The following DEFB119 variants were observed in gnomAD, a reference collection of about 807,000 sequenced individuals.
DEFB119 encodes beta-defensin 119.
Under a neutral mutation model 2.5 loss-of-function variants are expected in DEFB119, and 3 were observed. The ratio of observed to expected loss-of-function variants is 1.19; its 90% CI spans 0.54 to 3.07. DEFB119 has a LOEUF of 3.07. DEFB119 is among the 30% of genes most tolerant of loss of function. DEFB119 has a pLI of 0.03. For synonymous variants in DEFB119, 29 were observed against 33.7 expected (o/e 0.86, Z 0.48); for missense variants, 113 against 101.1 (o/e 1.12, Z -0.50).
intron 1 of DEFB119, among the ~76,000 whole-genome samples, chr20:31,390,150 A>T (rs1217910570): frequency 2.0e-5 from 3 of 151,646 alleles, no homozygotes; most frequent in Non-Finnish European, 4.4e-5. Context: ...CAAGTCCCCA[A>T]CCTGCACCCA....
chr20:31,378,246 C>T, intron 1 of DEFB119: 5 of 1,542,954 alleles, frequency 3.2e-6, no homozygotes, highest in South Asian at 2.3e-5. Context: ...AGTAACAGGG[C>T]CACCACTCCC....
At position 31,390,493 on chromosome 20, in the gene DEFB119, A is replaced by G. The variant is rs755784898; in HGVS notation, c.-10T>C. 1.9e-6 allele frequency: 3 copies of G among 1,612,858 alleles called. No homozygotes were observed. The highest frequency in any genetic ancestry group is 2.5e-6 in the Non-Finnish European group (3 of 1,179,606). ...GGTAAAGAAGTTTCATGGCTGGCAG[A>G]CCTGAGAGGAGGAGGTGGCTGAGCT... On this transcript the variant is annotated 5_prime_UTR_variant, in exon 1 of 2. Transcript: ENST00000376321.
chr20:31,388,741 C>T (rs998177111), intron 1 of DEFB119, among the ~76,000 whole-genome samples: 1 of 152,098 alleles, frequency 6.6e-6, no homozygotes, highest in Non-Finnish European at 1.5e-5. Context: ...ATCTGCTATG[C>T]CTTTAAATCT....
At chr20:31,378,191 C>G (rs974859749) in intron 1 of DEFB119, among the ~76,000 whole-genome samples, 27 of 152,298 alleles carry the variant, frequency 1.8e-4, no homozygotes, top group African/African-American at 6.5e-4. Context: ...GGGGTGGTGA[C>G]AGAGAGGGCC....
intron 1 of DEFB119, among the ~76,000 whole-genome samples, chr20:31,383,716 G>A (rs768563825): frequency 6.6e-6 from 1 of 151,328 alleles, no homozygotes; most frequent in Non-Finnish European, 1.5e-5. Flanking sequence ...GGTGGCAGGC[G>A]CCTGTAGTCC....
At chr20:31,377,523 A>C in intron 1 of DEFB119, 84 bp from the exon 2 acceptor site, 1 of 1,442,868 alleles carries the variant, frequency 6.9e-7, no homozygotes, top group Non-Finnish European at 9.4e-7. Context: ...ATAAAAACCT[A>C]AAGGGGGAGC....
intron 1 of DEFB119, among the ~76,000 whole-genome samples, chr20:31,379,855 C>T (rs1019550050): frequency 7.9e-5 from 12 of 151,954 alleles, no homozygotes; most frequent in South Asian, 2.1e-4. Flanking sequence ...TTAGTAGAGA[C>T]GGGGTTTCAC....
At chr20:31,388,784 C>T (rs529169440) in intron 1 of DEFB119, among the ~76,000 whole-genome samples, 1 of 152,252 alleles carries the variant, frequency 6.6e-6, no homozygotes, top group South Asian at 2.1e-4. Context: ...CCAGTCCACT[C>T]CTGACTCAAT....
Position 31,390,429 on chromosome 20 carries a change from T to G in DEFB119, c.55A>C (p.Ile19Leu), listed in dbSNP as rs1291436496. Residue 19 changes from isoleucine to leucine, a missense_variant, in exon 1 of 2, where the codon ATA (isoleucine) becomes CTA (leucine). Physicochemically the swap from Ile to Leu is conservative, Grantham distance 5. Coordinates refer to ENST00000376321, the MANE Select transcript of DEFB119 (RefSeq NM_153289.4). ...AILLAIEEPV[I>L]SGKRHILRCM... ...CGAGAGAGGTTCACGTTACCTGATATCACTGGTTCTTCTATGGCCAGAAGG... is the reference window on the plus strand; with the variant it reads ...CGAGAGAGGTTCACGTTACCTGATAGCACTGGTTCTTCTATGGCCAGAAGG... 6.2e-6 allele frequency: 10 copies of G among 1,611,928 alleles called. No homozygotes were observed. Among genetic ancestry groups the G allele is most frequent in the Non-Finnish European group, 7.6e-6 (9 of 1,179,358 alleles).
rs1442682659 is a variant in DEFB119, at chr20:31,390,403, C to G, written c.61+20G>C. On this transcript the variant is annotated intron_variant, in intron 1 of 1. Coordinates refer to ENST00000376321, the MANE Select transcript of DEFB119 (RefSeq NM_153289.4). ...AGCCCATGACCAGGAACCCAGACCC[C>G]CGAGAGAGGTTCACGTTACCTGATA... 5 of 1,610,292 alleles carry G rather than the reference C, an allele frequency of 3.1e-6. No individual in the cohort carries two copies. Among genetic ancestry groups the G allele is most frequent in the Non-Finnish European group, 4.2e-6 (5 of 1,177,512 alleles).
At chr20:31,385,791 G>T (rs1986675294) in intron 1 of DEFB119, among the ~76,000 whole-genome samples, 1 of 152,002 alleles carries the variant, frequency 6.6e-6, no homozygotes, top group South Asian at 2.1e-4. Flanking sequence ...GATTGCTTGA[G>T]CCTGGGAGGG....
intron 1 of DEFB119, among the ~76,000 whole-genome samples, chr20:31,389,967 C>G (rs73108007): frequency 6.6e-6 from 1 of 152,016 alleles, no homozygotes; most frequent in South Asian, 2.1e-4. Context: ...TCAACACCAG[C>G]TCCACTCAAC....
At chr20:31,381,090 T>C (rs940031932) in intron 1 of DEFB119, among the ~76,000 whole-genome samples, 1 of 152,204 alleles carries the variant, frequency 6.6e-6, no homozygotes, top group Non-Finnish European at 1.5e-5. Flanking sequence ...TTATTTCTTT[T>C]ATCAATATTC....
chr20:31,381,138 T>C (rs1055200358), intron 1 of DEFB119, among the ~76,000 whole-genome samples: 1 of 152,218 alleles, frequency 6.6e-6, no homozygotes, highest in Non-Finnish European at 1.5e-5. Context: ...CATAGTTCAT[T>C]AGATGTACAC....
intron 1 of DEFB119, among the ~76,000 whole-genome samples, chr20:31,377,871 G>C (rs1986359984): frequency 6.6e-6 from 1 of 152,148 alleles, no homozygotes; most frequent in African/African-American, 2.4e-5. Context: ...ACCAGGAAAG[G>C]TCAACCTAGC....
At chr20:31,379,133 T>C (rs979334215) in intron 1 of DEFB119, among the ~76,000 whole-genome samples, 4 of 152,038 alleles carry the variant, frequency 2.6e-5, no homozygotes, top group African/African-American at 9.7e-5. Context: ...AGATGGGGTT[T>C]CACCATGTTG....
intron 1 of DEFB119, among the ~76,000 whole-genome samples, chr20:31,382,290 A>T (rs1055578624): frequency 2.0e-5 from 3 of 152,194 alleles, no homozygotes; most frequent in African/African-American, 7.2e-5. Flanking sequence ...AGAGAGATTA[A>T]AAAAACAAAA....
chr20:31,381,712 G>A (rs1470284945), intron 1 of DEFB119, among the ~76,000 whole-genome samples: 1 of 152,144 alleles, frequency 6.6e-6, no homozygotes, highest in East Asian at 1.9e-4. Flanking sequence ...TGGGGAGGCT[G>A]AGGTGGGAGG....
At chr20:31,390,625 C>T (rs1986901299), upstream of DEFB119, 4 of 720,076 alleles carry the variant, frequency 5.6e-6, no homozygotes, top group Non-Finnish European at 9.3e-6. Flanking sequence ...TATATGAGGT[C>T]ATCCAGGCCA....
Sources: gnomAD v4.1 joint callset for allele counts (sites outside exome capture counted in the v4.1 genomes callset) on GRCh38, gnomAD v4.1.1 for gene constraint, MANE v1.5 for transcripts, NCBI Gene and HGNC (gene_info 2026-07-23, HGNC 2026-07-21) for gene names.